PDE1B: variants seen among roughly 807,000 people sequenced by gnomAD.
The protein encoded by PDE1B is dual specificity calcium/calmodulin-dependent 3',5'-cyclic nucleotide phosphodiesterase 1B.
PDE1B carries 13 observed loss-of-function variants against 66.7 expected under a neutral mutation model. The observed-to-expected ratio is 0.19, with a 90% confidence interval of 0.13 to 0.31. The LOEUF is 0.31. Among genes scored for constraint, PDE1B ranks in the 10% least tolerant of loss-of-function variants. The probability of loss-of-function intolerance (pLI) is 1.00; values close to 1 mark genes in which losing one functional copy is unlikely to be tolerated. For synonymous variants in PDE1B, 230 were observed against 253.9 expected (o/e 0.91, Z 0.90); for missense variants, 485 against 682.3 (o/e 0.71, Z 3.22).
chr12:54,561,580 T>A (rs1485785812), intron 2 of PDE1B: 27 of 1,524,384 alleles, frequency 1.8e-5, no homozygotes, highest in Non-Finnish European at 2.3e-5. Context: ...GAAACTTTGA[T>A]TCCCATGGCA....
At chr12:54,576,867 G>T in intron 14 of PDE1B, 166 bp downstream of exon 14, 1 of 709,714 alleles carries the variant, frequency 1.4e-6, no homozygotes, top group Non-Finnish European at 2.4e-6. Flanking sequence ...TGGCTGAGTG[G>T]CCTGGAATGT....
intron 10 of PDE1B, 104 bp from the exon 11 acceptor site, chr12:54,574,994 G>T: frequency 1.8e-5 from 13 of 735,334 alleles, no homozygotes; most frequent in Non-Finnish European, 2.5e-5. Context: ...AAAAAAAAAA[G>T]GAAGAAGTTA....
intron 6 of PDE1B, chr12:54,571,132 TCCAGGTGGAGGGTCCCCTC>T (rs1957608530): frequency 6.6e-6 from 1 of 151,888 alleles, no homozygotes; most frequent in Non-Finnish European, 1.5e-5. Context: ...GTCAAAGGAG[TCCAGGTGGAGGGTCCCCTC>T]CCAGGCCGGC....
At chr12:54,550,639 T>C (rs1002938907) in intron 2 of PDE1B, among the ~76,000 whole-genome samples, 8 of 152,008 alleles carry the variant, frequency 5.3e-5, no homozygotes, top group African/African-American at 1.9e-4. Context: ...ACCTGGAAGC[T>C]GAAGGAGGTG....
chr12:54,568,756 A>G lies in PDE1B; in HGVS notation c.228-428A>G, dbSNP rs139250030. 8.9e-3 allele frequency among the ~76,000 whole-genome samples: 1,362 copies of G among 152,220 alleles called. 21 individuals carry two copies. Among genetic ancestry groups the G allele is most frequent in the African/African-American group, 0.031 (1,296 of 41,526 alleles). On this transcript the variant is annotated intron_variant, in intron 3 of 15. Coordinates refer to ENST00000243052, the MANE Select transcript of PDE1B (RefSeq NM_000924.4). ...GGTTGCAGTGAGCCAAGATCGCGCC[A>G]TTGCACTCCAGCCTGGGCAACGGAG... is the stretch of plus-strand genomic sequence containing the variant.
At chr12:54,555,823 C>T (rs1442756879) in intron 2 of PDE1B, among the ~76,000 whole-genome samples, 1 of 152,186 alleles carries the variant, frequency 6.6e-6, no homozygotes, top group Non-Finnish European at 1.5e-5. Flanking sequence ...TTGCTCTTCT[C>T]CCTTGTCCCA....
chr12:54,554,758 A>G (rs1344172413), intron 2 of PDE1B, among the ~76,000 whole-genome samples: 1 of 152,178 alleles, frequency 6.6e-6, no homozygotes, highest in Non-Finnish European at 1.5e-5. Context: ...TTCTGCCCTA[A>G]CAATTACAAC....
chr12:54,569,590 C>T lies in PDE1B; in HGVS notation c.455C>T (p.Thr152Ile), dbSNP rs1226526167. The change falls in exon 5 of 16, where the codon ACT (threonine) becomes ATT (isoleucine). Residue 152 changes from threonine to isoleucine, a missense_variant. By Grantham distance (89) the Thr-to-Ile change is moderately conservative. Around this residue, in one of 4 missense-constraint regions of PDE1B, gnomAD observed 282 missense variants for 453.4 expected, o/e 0.62. Transcript: ENST00000243052. The surrounding 1 kb of genome is among the most constrained non-coding windows in gnomAD (Gnocchi z 4.4). Reference protein sequence around the residue: ...TYTSVGPTYSTAVLNCLKNLD... With the variant: ...TYTSVGPTYSIAVLNCLKNLD... ...ACCTCTGTGGGCCCCACTTACTCTA[C>T]TGCGGTTCTCAACTGTCTCAAGGTA... 1.9e-6 allele frequency: 3 copies of T among 1,613,536 alleles called. No homozygotes were observed. Among genetic ancestry groups the T allele is most frequent in the Non-Finnish European group, 2.5e-6 (3 of 1,179,426 alleles).
intron 2 of PDE1B, among the ~76,000 whole-genome samples, chr12:54,560,043 G>C (rs1267962536): frequency 6.6e-6 from 1 of 152,186 alleles, no homozygotes; most frequent in Admixed American, 6.5e-5. Flanking sequence ...GTGGGACACA[G>C]AAAGAGATGG....
chr12:54,573,542 A>G lies in PDE1B; in HGVS notation c.962+62A>G. ...TCCCTTACCACAAACTCCATTTTCC[A>G]CTTCCTGGACCTCCTGCCCAGCAGC... On this transcript the variant is annotated intron_variant, in intron 9 of 15. Coordinates refer to ENST00000243052, the MANE Select transcript of PDE1B (RefSeq NM_000924.4). This position sits in a 1 kb window ranked among gnomAD's most constrained non-coding sequence, Gnocchi z 5.2. 6.2e-7 allele frequency: 1 copy of G among 1,612,552 alleles called. No individual in the cohort carries two copies. The highest frequency in any genetic ancestry group is 8.5e-7 in the Non-Finnish European group (1 of 1,178,610).
At chr12:54,566,826 T>G in intron 2 of PDE1B, 148 bp from the exon 3 acceptor site, 1 of 463,366 alleles carries the variant, frequency 2.2e-6, no homozygotes, top group Non-Finnish European at 3.9e-6. Context: ...AAAAGAAACA[T>G]TAGCTGCTAT....
intron 2 of PDE1B, among the ~76,000 whole-genome samples, chr12:54,551,283 G>A (rs904552718): frequency 9.2e-5 from 14 of 152,214 alleles, no homozygotes; most frequent in African/African-American, 1.9e-4. Context: ...TTGGAGAGGC[G>A]TTAGGGAGAA....
chr12:54,570,646 G>A, intron 6 of PDE1B: 1 of 352,470 alleles, frequency 2.8e-6, no homozygotes, highest in Non-Finnish European at 5.4e-6. Flanking sequence ...TCTCTAGGCT[G>A]ACTTGCAGTG....
rs1279120218 is a variant in PDE1B at position 54,573,765 on chromosome 12, G to C, written c.1064+56G>C. 8.0e-7 allele frequency: 1 copy of C among 1,252,824 alleles called. No individual in the cohort carries two copies. The highest frequency in any genetic ancestry group is 1.2e-6 in the Non-Finnish European group (1 of 854,448). 77.6% of individuals were successfully genotyped at this position (1,252,824 alleles called of 1,614,324 possible). A position where few individuals can be genotyped will look rare whatever the true frequency, so the allele number is the denominator to read the frequency against. ...GGCCAGAGGGAGGGGTGTGTGAACT[G>C]GGGGGGTATACACAAGGGTAGTTGG... On this transcript the variant is annotated intron_variant, in intron 10 of 15. Transcript: ENST00000243052. The surrounding 1 kb of genome is among the most constrained non-coding windows in gnomAD (Gnocchi z 5.2).
At position 54,567,026 on chromosome 12, in the gene PDE1B, C is replaced by G; in HGVS notation, c.166C>G (p.Leu56Val). Residue 56 changes from leucine to valine, a missense_variant, in exon 3 of 16, where the codon CTG becomes GTG. This residue lies in a region of PDE1B where 74 missense variants were observed against 78.7 expected (regional missense o/e 0.94). Transcript: ENST00000243052. ...LENGEINIEE[L>V]KKNLEYTASL... ...GAATGGGGAGATAAACATTGAGGAG[C>G]TGAAGAAAAATCTGGAGTACACAGC... 6.2e-7 allele frequency: 1 copy of G among 1,612,536 alleles called. No individual in the cohort carries two copies. The highest frequency in any genetic ancestry group is 8.5e-7 in the Non-Finnish European group (1 of 1,179,124).
chr12:54,568,306 A>G (rs919926026), intron 3 of PDE1B, among the ~76,000 whole-genome samples: 1 of 151,936 alleles, frequency 6.6e-6, no homozygotes, highest in African/African-American at 2.4e-5. Context: ...TCTACAAAAA[A>G]TAAGAATTAG....
At chr12:54,576,486 T>C (rs939989230) in intron 13 of PDE1B, 85 bp from the exon 14 acceptor site, 66 of 1,537,010 alleles carry the variant, frequency 4.3e-5, no homozygotes, top group Non-Finnish European at 5.7e-5. Context: ...CTCCTGGTCT[T>C]CCATGTCCTG....
At chr12:54,576,548 G>T (rs1398101589) in intron 13 of PDE1B, 23 bp from the exon 14 acceptor site, 1 of 1,613,818 alleles carries the variant, frequency 6.2e-7, no homozygotes, top group African/African-American at 1.3e-5. Flanking sequence ...ACCTCTTGCG[G>T]CTTTTGGGGG....
chr12:54,560,523 A>G (rs566207985), intron 2 of PDE1B, among the ~76,000 whole-genome samples: 1 of 152,272 alleles, frequency 6.6e-6, no homozygotes, highest in African/African-American at 2.4e-5. Context: ...AGCCCCGCCC[A>G]ACTCCTCAGC....
Sources: gnomAD v4.1 joint callset for allele counts (sites outside exome capture counted in the v4.1 genomes callset) on GRCh38, gnomAD v4.1.1 for gene constraint, gnomAD v4.1.1 regional missense constraint, Gnocchi (gnomAD v3.1) non-coding constraint, MANE v1.5 for transcripts, NCBI Gene and HGNC (gene_info 2026-07-23, HGNC 2026-07-21) for gene names.